The following ITGA2 variants were observed in gnomAD, a reference collection of about 807,000 sequenced individuals.
ITGA2 encodes integrin subunit alpha 2.
ITGA2 carries 101 observed loss-of-function variants against 146.3 expected under a neutral mutation model. That is an observed-to-expected ratio of 0.69 (90% CI 0.59 to 0.81). ITGA2 has a LOEUF of 0.81. Ranked by LOEUF, ITGA2 falls within the 40% of genes least tolerant of loss-of-function variation. ITGA2 has a pLI of 0.00. For synonymous variants in ITGA2, 477 were observed against 487.1 expected (o/e 0.98, Z 0.27); for missense variants, 1,281 against 1,402.7 (o/e 0.91, Z 1.39).
In ITGA2 at chr5:53,042,148, G is replaced by A. The variant is rs373880844; in HGVS notation, c.222G>A (p.Glu74=). The part of the protein sequence containing the change: ...LVGSPWSGFP[E]NRMGDVYKCP... ...GTTCACCCTGGAGTGGCTTTCCTGA[G>A]AACCGAATGGGAGATGTGTATAAAT... The change falls in exon 3 of 30, where the codon GAG becomes GAA. Residue 74 remains glutamate (E), a synonymous_variant. Coordinates refer to ENST00000296585, the MANE Select transcript of ITGA2 (RefSeq NM_002203.4). 6.2e-7 allele frequency: 1 copy of A among 1,613,424 alleles called. No individual in the cohort carries two copies.
Position 53,051,518 on chromosome 5 carries a change from T to C in ITGA2, c.738T>C (p.Gly246=), listed in dbSNP as rs763197394. 4 of 1,613,622 alleles carry C rather than the reference T, an allele frequency of 2.5e-6. No homozygotes were observed. The highest frequency in any genetic ancestry group is 3.4e-6 in the Non-Finnish European group (4 of 1,179,742). ...CAACATCCCAGACATCCCAATATGG[T>C]GGGGACCTCACAAACACATTCGGAG... ...IVATSQTSQY[G]GDLTNTFGAI... The change falls in exon 7 of 30, where the codon GGT becomes GGC. Residue 246 remains glycine, a synonymous_variant. Coordinates refer to ENST00000296585, the MANE Select transcript of ITGA2 (RefSeq NM_002203.4).
chr5:53,017,398 T>A (rs1742441876), intron 1 of ITGA2, among the ~76,000 whole-genome samples: 1 of 152,254 alleles, frequency 6.6e-6, no homozygotes, highest in Non-Finnish European at 1.5e-5. Context: ...TCTGAGGAAC[T>A]GGCATTGGGC....
chr5:53,032,631 T>A (rs1346223558), intron 2 of ITGA2, among the ~76,000 whole-genome samples: 3 of 152,200 alleles, frequency 2.0e-5, no homozygotes, highest in African/African-American at 7.2e-5. Context: ...CATTTATAAA[T>A]AATATTTAAA....
At chr5:53,000,897 G>GTTTT (rs369482288) in intron 1 of ITGA2, among the ~76,000 whole-genome samples, 207 of 97,220 alleles carry the variant, frequency 2.1e-3, no homozygotes, top group Middle Eastern at 8.3e-3. Context: ...TTTTCTTTTT[G>GTTTT]TTTTTTTTTT....
chr5:53,059,103 C>T lies in ITGA2; in HGVS notation c.1174-771C>T, dbSNP rs539722826. Among the ~76,000 whole-genome samples, 4 of 151,906 alleles carry T rather than the reference C, an allele frequency of 2.6e-5. No individual in the cohort carries two copies. In the South Asian group the frequency reaches 8.3e-4, roughly 32 times the overall value. On this transcript the variant is annotated intron_variant, in intron 10 of 29. Transcript: ENST00000296585. ...TTTGGTACGCTCTAAGATAGAAGAA[C>T]AAAAAATTAAAAATAGTGTATCTCA...
intron 2 of ITGA2, among the ~76,000 whole-genome samples, chr5:53,033,738 T>C (rs1472771552): frequency 2.0e-5 from 3 of 151,290 alleles, no homozygotes; most frequent in Admixed American, 6.6e-5. Flanking sequence ...GCTGGAATTA[T>C]AGGCATGTGC....
At chr5:52,989,723 G>C (rs1290919649) in intron 1 of ITGA2, among the ~76,000 whole-genome samples, 191 bp downstream of exon 1, 1 of 152,112 alleles carries the variant, frequency 6.6e-6, no homozygotes, top group African/African-American at 2.4e-5. Context: ...TGCTATCCCA[G>C]GCCTTGCGTC....
chr5:53,063,919 G>A (rs542244987), intron 13 of ITGA2, among the ~76,000 whole-genome samples: 6 of 151,746 alleles, frequency 4.0e-5, no homozygotes, highest in South Asian at 2.1e-4. Context: ...TTTTAATACC[G>A]TGTCAAACGC....
intron 1 of ITGA2, among the ~76,000 whole-genome samples, chr5:53,016,600 T>A (rs931091802): frequency 2.0e-5 from 3 of 152,182 alleles, no homozygotes; most frequent in African/African-American, 7.2e-5. Context: ...CTACAGGGGT[T>A]CTCTGCATTT....
intron 1 of ITGA2, among the ~76,000 whole-genome samples, chr5:53,006,135 T>G (rs971045115): frequency 6.6e-6 from 1 of 152,092 alleles, no homozygotes; most frequent in Non-Finnish European, 1.5e-5. Context: ...GGTGATGGAT[T>G]GATAGGTGCA....
At chr5:53,061,102 G>A (rs1561133562) in intron 12 of ITGA2, 56 bp downstream of exon 12, 20 of 1,563,984 alleles carry the variant, frequency 1.3e-5, no homozygotes, top group Non-Finnish European at 1.4e-5. Flanking sequence ...GGGCAGGTGG[G>A]GAGTCAGGTG....
chr5:53,085,455 A>G (rs1299405641), intron 27 of ITGA2, among the ~76,000 whole-genome samples: 5 of 152,210 alleles, frequency 3.3e-5, no homozygotes, highest in Non-Finnish European at 7.3e-5. Context: ...TGAGAATGCT[A>G]TAAGAAAAAT....
At chr5:53,042,038 C>A in intron 2 of ITGA2, 74 bp from the exon 3 acceptor site, 1 of 906,226 alleles carries the variant, frequency 1.1e-6, no homozygotes, top group Non-Finnish European at 1.9e-6. Context: ...GTGTTTTTCA[C>A]TGTTTGTGAT....
rs892976105 is a variant in ITGA2 at position 53,044,821 on chromosome 5, C to G, written c.296-180C>G. The stretch of plus-strand genomic sequence containing the variant: ...CTCTGCAGCCTCACACATTAATGTG[C>G]GTTACCAGATCACTGAAAGCATCGC... On this transcript the variant is annotated intron_variant, in intron 3 of 29. Transcript: ENST00000296585. Among the ~76,000 whole-genome samples the G allele has an allele frequency of 7.9e-5, 12 of 152,302 alleles. No individual in the cohort carries two copies. The South Asian group carries it at 2.5e-3, about 32-fold the overall frequency.
chr5:53,004,482 G>A (rs536629393), intron 1 of ITGA2, among the ~76,000 whole-genome samples: 1 of 151,874 alleles, frequency 6.6e-6, no homozygotes, highest in South Asian at 2.1e-4. Flanking sequence ...TTTATTTAAG[G>A]GACCTTCTTA....
intron 1 of ITGA2, among the ~76,000 whole-genome samples, chr5:53,001,399 G>A (rs568943972): frequency 6.6e-6 from 1 of 152,250 alleles, no homozygotes; most frequent in South Asian, 2.1e-4. Flanking sequence ...TCATTCAAGG[G>A]CTGCTTTACT....
At position 53,055,896 on chromosome 5, in the gene ITGA2, G is replaced by A. The variant is rs1744604314; in HGVS notation, c.931-88G>A. The A allele has an allele frequency of 2.2e-6, 3 of 1,360,272 alleles. 1 individual carries two copies. The allele number at this position is 1,360,272 out of a possible 1,614,324, so 84.3% of individuals were successfully genotyped here. On this transcript the variant is annotated intron_variant, in intron 8 of 29. Transcript: ENST00000296585. ...GTTGCTTGATTTACTTTTCCAGAGG[G>A]AATATTGTGTTCAAAATAGGCTAGA... is the stretch of plus-strand genomic sequence containing the variant.
intron 2 of ITGA2, among the ~76,000 whole-genome samples, chr5:53,038,767 C>T (rs1743627238): frequency 1.3e-5 from 2 of 152,162 alleles, no homozygotes; most frequent in Admixed American, 6.6e-5. Context: ...GTGATTCCAT[C>T]TGTAAAATGA....
rs575216873 is a variant in ITGA2, at chr5:53,023,934, A to G, written c.65-2814A>G. Among the ~76,000 whole-genome samples the G allele has an allele frequency of 3.9e-5, 6 of 152,364 alleles. No individual in the cohort carries two copies. The East Asian group carries it at 1.2e-3, about 29-fold the overall frequency. On this transcript the variant is annotated intron_variant, in intron 1 of 29. Coordinates refer to ENST00000296585, the MANE Select transcript of ITGA2 (RefSeq NM_002203.4). Reference sequence around the variant, plus strand: ...ATTGAGATTGTCCAGATTTATCAAAAGAGGCAGGATATAAAGGGAAAGATT... The same window carrying G: ...ATTGAGATTGTCCAGATTTATCAAAGGAGGCAGGATATAAAGGGAAAGATT...
Sources: allele counts gnomAD v4.1 joint callset (sites outside exome capture counted in the v4.1 genomes callset), GRCh38; gene constraint gnomAD v4.1.1; transcripts MANE v1.5; gene names NCBI Gene and HGNC (gene_info 2026-07-23, HGNC 2026-07-21).